The following CDH13 variants were observed in gnomAD, a reference collection of about 807,000 sequenced individuals.
The protein encoded by CDH13 is cadherin 13.
Under a neutral mutation model 63.8 loss-of-function variants are expected in CDH13, and 24 were observed. The observed-to-expected ratio is 0.38, with a 90% CI of 0.27 to 0.53. The LOEUF (loss-of-function observed/expected upper bound fraction) is 0.53, where lower values mean the gene tolerates loss of function less well. Among genes scored for constraint, CDH13 ranks in the 20% least tolerant of loss-of-function variants. The pLI is 0.85. For synonymous variants in CDH13, 503 were observed against 355.3 expected, an observed-to-expected ratio of 1.42 and a Z score of -4.67; for missense variants, 1,049 against 903.1, an observed-to-expected ratio of 1.16 and a Z score of -2.07.
chr16:83,320,174 C>T (rs796574699), intron 5 of CDH13, among the ~76,000 whole-genome samples: 24 of 151,924 alleles, frequency 1.6e-4, no homozygotes, highest in African/African-American at 4.1e-4. Context: ...CGAGTAGCTA[C>T]GACTACAGGT....
At chr16:83,082,568 G>A (rs1394174015) in intron 3 of CDH13, among the ~76,000 whole-genome samples, 1 of 152,188 alleles carries the variant, frequency 6.6e-6, no homozygotes. Flanking sequence ...CTGAACCCGG[G>A]AGGCAGAGGT....
chr16:82,953,430 G>A (rs999478699), intron 2 of CDH13: 33 of 152,226 alleles, frequency 2.2e-4, no homozygotes, highest in African/African-American at 7.7e-4. Flanking sequence ...AGGTCTGCAA[G>A]CTATTTTAAA....
intron 6 of CDH13, among the ~76,000 whole-genome samples, chr16:83,391,556 C>A (rs1391630832): frequency 6.6e-6 from 1 of 152,108 alleles, no homozygotes; most frequent in African/African-American, 2.4e-5. Flanking sequence ...AAAGGAACAA[C>A]TAATTTAGAA....
Position 82,880,296 on chromosome 16 carries a change from A to T in CDH13, c.157+21823A>T, listed in dbSNP as rs1178696086. Among the ~76,000 whole-genome samples the T allele has an allele frequency of 2.0e-5, 3 of 152,100 alleles. No homozygotes were observed. In the South Asian group the frequency reaches 6.2e-4, roughly 32 times the overall value. On this transcript the variant is annotated intron_variant, in intron 2 of 13. Transcript: ENST00000567109. ...AACCGGCTTTCAGCAAGCTACGTGG[A>T]TGAGGGGTCTGAAGGTTTTTAGTTT...
intron 2 of CDH13, among the ~76,000 whole-genome samples, chr16:82,926,849 T>C (rs946141180): frequency 2.6e-5 from 4 of 152,256 alleles, no homozygotes; most frequent in African/African-American, 9.6e-5. Context: ...AATACTTTAC[T>C]ATGTGTTTTA....
At chr16:82,826,640 G>T (rs780955584) in intron 1 of CDH13, 3 of 152,168 alleles carry the variant, frequency 2.0e-5, no homozygotes, top group Non-Finnish European at 4.4e-5. Context: ...GGGAAAAGGC[G>T]AAGGGCTCCA....
intron 7 of CDH13, among the ~76,000 whole-genome samples, chr16:83,533,691 G>C (rs185527385): frequency 7.0e-6 from 1 of 142,540 alleles, no homozygotes; most frequent in Admixed American, 7.6e-5. Context: ...CACGATCTCA[G>C]CTCACTGCAA....
intron 1 of CDH13, among the ~76,000 whole-genome samples, chr16:82,763,180 GCTCT>G (rs2151086617): frequency 6.6e-6 from 1 of 152,216 alleles, no homozygotes; most frequent in East Asian, 1.9e-4. Context: ...TGTAAGCCTT[GCTCT>G]TTCTTTCAAT....
chr16:82,730,331 A>T lies in CDH13; in HGVS notation c.45+103194A>T, dbSNP rs746889980. Among the ~76,000 whole-genome samples the T allele has an allele frequency of 2.4e-4, 37 of 152,256 alleles. 1 individual carries two copies. The highest frequency in any genetic ancestry group is 4.7e-4 in the Non-Finnish European group (32 of 68,026). Reference sequence around the variant, plus strand: ...ATGCAACTCTTCCTTTTCCTTGAGCATTTAGAGACCATTGTAGGGTTATTC... The same window carrying T: ...ATGCAACTCTTCCTTTTCCTTGAGCTTTTAGAGACCATTGTAGGGTTATTC... On this transcript the variant is annotated intron_variant, in intron 1 of 13. Coordinates refer to ENST00000567109, the MANE Select transcript of CDH13 (RefSeq NM_001257.5).
chr16:82,790,391 C>T (rs1440493583), intron 1 of CDH13, among the ~76,000 whole-genome samples: 4 of 152,042 alleles, frequency 2.6e-5, no homozygotes, highest in African/African-American at 4.8e-5. Context: ...GCCAAGATCG[C>T]ACCACTGCAC....
intron 2 of CDH13, among the ~76,000 whole-genome samples, chr16:82,992,099 C>G (rs986519119): frequency 6.6e-6 from 1 of 152,088 alleles, no homozygotes; most frequent in Non-Finnish European, 1.5e-5. Flanking sequence ...ACTGATTAAC[C>G]TCATTAAGGA....
intron 6 of CDH13, among the ~76,000 whole-genome samples, chr16:83,361,290 G>A (rs186110909): frequency 3.7e-4 from 57 of 152,084 alleles, no homozygotes; most frequent in Admixed American, 2.2e-3. Flanking sequence ...TTTGTTTTTC[G>A]CTTGTTGAAT....
In CDH13 at chr16:82,840,596, A is replaced by G. The variant is rs561761947; in HGVS notation, c.46-17766A>G. 4.6e-4 allele frequency among the ~76,000 whole-genome samples: 69 copies of G among 151,110 alleles called. 1 individual carries two copies. The highest frequency in any genetic ancestry group is 1.6e-3 in the African/African-American group (65 of 41,282). Reference sequence around the variant, plus strand: ...GCTACTTGGGTGGCTGAGGCAGGAGAATCGCTTAAACTAGGGAGGCGGAGG... The same window carrying G: ...GCTACTTGGGTGGCTGAGGCAGGAGGATCGCTTAAACTAGGGAGGCGGAGG... On this transcript the variant is annotated intron_variant, in intron 1 of 13. Coordinates refer to ENST00000567109, the MANE Select transcript of CDH13 (RefSeq NM_001257.5).
At chr16:83,777,860 G>C (rs2151005252) in intron 11 of CDH13, among the ~76,000 whole-genome samples, 1 of 152,318 alleles carries the variant, frequency 6.6e-6, no homozygotes, top group Admixed American at 6.5e-5. Context: ...ATCTGGCTAA[G>C]TGAAAATAAG....
intron 2 of CDH13, among the ~76,000 whole-genome samples, chr16:83,017,179 C>T (rs1044745552): frequency 6.6e-6 from 1 of 152,130 alleles, no homozygotes; most frequent in Non-Finnish European, 1.5e-5. Flanking sequence ...TGCCTGGGCC[C>T]CATTCATTCA....
At position 83,443,810 on chromosome 16, in the gene CDH13, C is replaced by G. The variant is rs1370168906; in HGVS notation, c.782-42667C>G. 5.0e-5 allele frequency among the ~76,000 whole-genome samples: 7 copies of G among 140,914 alleles called. No individual in the cohort carries two copies. In the East Asian group the frequency reaches 1.2e-3, roughly 24 times the overall value. The allele number at this position is 140,914 out of a possible 152,430, so 92.4% of individuals were successfully genotyped here. A position where few individuals can be genotyped will look rare whatever the true frequency, so the allele number is the denominator to read the frequency against. ...GCAAGCCAGGCTTGGTGGCATGTGCCTGTAGTCCCAGCTACTCAGGAGGCT... is the reference window on the plus strand; with the variant it reads ...GCAAGCCAGGCTTGGTGGCATGTGCGTGTAGTCCCAGCTACTCAGGAGGCT... On this transcript the variant is annotated intron_variant, in intron 6 of 13. Coordinates refer to ENST00000567109, the MANE Select transcript of CDH13 (RefSeq NM_001257.5).
chr16:82,771,901 C>G (rs1355640568), intron 1 of CDH13, among the ~76,000 whole-genome samples: 1 of 152,234 alleles, frequency 6.6e-6, no homozygotes, highest in African/African-American at 2.4e-5. Context: ...GTGCTGGCCC[C>G]TTTGGGGCAA....
chr16:83,269,908 T>G (rs2088749421), intron 5 of CDH13, among the ~76,000 whole-genome samples: 2 of 152,218 alleles, frequency 1.3e-5, no homozygotes, highest in Admixed American at 1.3e-4. Flanking sequence ...TGCATTTCTA[T>G]GCTAAGTTAA....
intron 11 of CDH13, among the ~76,000 whole-genome samples, chr16:83,758,884 A>G (rs900573732): frequency 1.3e-5 from 2 of 152,190 alleles, no homozygotes; most frequent in African/African-American, 4.8e-5. Context: ...TTGTCTCCCT[A>G]TTTAAGCCCA....
Sources: allele counts gnomAD v4.1 joint callset (sites outside exome capture counted in the v4.1 genomes callset), GRCh38; gene constraint gnomAD v4.1.1; transcripts MANE v1.5; gene names NCBI Gene and HGNC (gene_info 2026-07-23, HGNC 2026-07-21).